The following PREX1 variants were observed in gnomAD, a reference collection of about 807,000 sequenced individuals.
The protein encoded by PREX1 is phosphatidylinositol 3,4,5-trisphosphate-dependent Rac exchanger 1 protein.
Under a neutral mutation model 198.3 loss-of-function variants are expected in PREX1, and 41 were observed. That is an observed-to-expected ratio of 0.21 (90% CI 0.16 to 0.27). PREX1 has a LOEUF of 0.27. PREX1 is among the 10% of genes least tolerant of loss of function. The pLI, the probability that PREX1 is intolerant of heterozygous loss-of-function variation, is 1.00. For missense variants in PREX1, 1,620 were observed against 2,200.7 expected, an observed-to-expected ratio of 0.74 and a Z score of 5.28; for synonymous variants, 843 against 887.2, an observed-to-expected ratio of 0.95 and a Z score of 0.89.
At chr20:48,716,345 C>T (rs1378537124) in intron 5 of PREX1, among the ~76,000 whole-genome samples, 1 of 152,186 alleles carries the variant, frequency 6.6e-6, no homozygotes, top group Non-Finnish European at 1.5e-5. Flanking sequence ...CAAAGGTGCC[C>T]GCTCTGAGCA....
chr20:48,810,003 C>G (rs1329513062), intron 1 of PREX1, among the ~76,000 whole-genome samples: 1 of 152,208 alleles, frequency 6.6e-6, no homozygotes, highest in Non-Finnish European at 1.5e-5. Flanking sequence ...GGACCACTCA[C>G]AAACTGGAAA....
rs2089303555 is a variant in PREX1 at position 48,630,307 on chromosome 20, G to A, written c.4593+421C>T. Among the ~76,000 whole-genome samples, 4 of 152,242 alleles carry A rather than the reference G, an allele frequency of 2.6e-5. No homozygotes were observed. In the South Asian group the frequency reaches 8.3e-4, roughly 31 times the overall value. ...GAGCAACGGGGACATGTGGCAACAT[G>A]GTCCCCAACAGCCAGATCTTCCCAT... On this transcript the variant is annotated intron_variant, in intron 36 of 39. Coordinates refer to ENST00000371941, the MANE Select transcript of PREX1 (RefSeq NM_020820.4).
chr20:48,873,591 G>A, the PREX1 span, among the ~76,000 whole-genome samples: 3 of 150,486 alleles, frequency 2.0e-5, no homozygotes, highest in Non-Finnish European at 4.4e-5. Flanking sequence ...ATGGTGGCGG[G>A]CGCCTATAAT....
At chr20:48,763,499 T>C (rs1321066809) in intron 1 of PREX1, among the ~76,000 whole-genome samples, 1 of 152,178 alleles carries the variant, frequency 6.6e-6, no homozygotes, top group Admixed American at 6.5e-5. Context: ...TGCGGTCTCC[T>C]CTCTGTGGGG....
intron 1 of PREX1, among the ~76,000 whole-genome samples, chr20:48,815,996 T>G (rs1284255633): frequency 7.8e-6 from 1 of 128,144 alleles, no homozygotes; most frequent in African/African-American, 3.0e-5. Flanking sequence ...GGCAACAGAG[T>G]GAGACTCTGT....
the PREX1 span, among the ~76,000 whole-genome samples, chr20:48,864,407 G>A: frequency 6.6e-5 from 10 of 152,178 alleles, no homozygotes; most frequent in Non-Finnish European, 1.0e-4. Flanking sequence ...TATTTGTAAC[G>A]AAATCACAGC....
rs1294787161 is a variant in PREX1, at chr20:48,691,133, C to G, written c.1037-37G>C. ...AGGAGGCAAAGGTGCAGCAGAGACT[C>G]AGCCGCGTGACCTTCAACACTCCCC... On this transcript the variant is annotated intron_variant, in intron 8 of 39. Coordinates refer to ENST00000371941, the MANE Select transcript of PREX1 (RefSeq NM_020820.4). This position sits in a 1 kb window ranked among gnomAD's most constrained non-coding sequence, Gnocchi z 5.0. 6.2e-7 allele frequency: 1 copy of G among 1,613,738 alleles called. No individual in the cohort carries two copies. Among genetic ancestry groups the G allele is most frequent in the Admixed American group, 1.7e-5 (1 of 60,020 alleles).
Position 48,691,478 on chromosome 20 carries a change from G to A in PREX1, c.1037-382C>T, listed in dbSNP as rs530859391. The stretch of plus-strand genomic sequence containing the variant: ...GCCAGCCTGACAAGCCAAGTCAAAC[G>A]TGGGACCCTTACCCAGTGCTGGCTG... On this transcript the variant is annotated intron_variant, in intron 8 of 39. Coordinates refer to ENST00000371941, the MANE Select transcript of PREX1 (RefSeq NM_020820.4). The surrounding 1 kb of genome is among the most constrained non-coding windows in gnomAD (Gnocchi z 5.0). 5.3e-5 allele frequency among the ~76,000 whole-genome samples: 8 copies of A among 152,306 alleles called. No homozygotes were observed. In the East Asian group the frequency reaches 5.8e-4, roughly 11 times the overall value.
intron 1 of PREX1, among the ~76,000 whole-genome samples, chr20:48,789,701 A>G (rs2090329016): frequency 2.0e-5 from 3 of 152,220 alleles, no homozygotes; most frequent in African/African-American, 7.2e-5. Flanking sequence ...AAAAGGGAGG[A>G]GGTTCAGATT....
At chr20:48,854,129 G>A in the PREX1 span, among the ~76,000 whole-genome samples, 1 of 152,174 alleles carries the variant, frequency 6.6e-6, no homozygotes, top group African/African-American at 2.4e-5. Flanking sequence ...TGAGTCACAC[G>A]CAGGCCGAGG....
At chr20:48,738,855 A>T (rs2122741916) in intron 3 of PREX1, among the ~76,000 whole-genome samples, 1 of 152,170 alleles carries the variant, frequency 6.6e-6, no homozygotes, top group African/African-American at 2.4e-5. Flanking sequence ...CAAGACTAAG[A>T]CCCAGAAGAG....
At chr20:48,829,523 T>C (rs1303990924), upstream of PREX1, among the ~76,000 whole-genome samples, 1 of 152,204 alleles carries the variant, frequency 6.6e-6, no homozygotes. Context: ...GATCTGGGCC[T>C]TGGGCTGAGT....
chr20:48,793,042 TAA>T (rs912435857), intron 1 of PREX1, among the ~76,000 whole-genome samples: 1 of 152,012 alleles, frequency 6.6e-6, no homozygotes, highest in Non-Finnish European at 1.5e-5. Flanking sequence ...CCATATCTAC[TAA>T]AAATACAAAA....
At chr20:48,634,191 G>C (rs74651180) in intron 33 of PREX1, among the ~76,000 whole-genome samples, 20,580 of 147,240 alleles carry the variant, frequency 0.14, 1,478 homozygotes, top group African/African-American at 0.19. Context: ...TGGATGGATG[G>C]ATGGATGGAT....
At chr20:48,787,021 G>A (rs776688383) in intron 1 of PREX1, among the ~76,000 whole-genome samples, 2 of 149,458 alleles carry the variant, frequency 1.3e-5, no homozygotes, top group Non-Finnish European at 3.0e-5. Flanking sequence ...GCCCCCTTGA[G>A]CATAAGATGC....
intron 30 of PREX1, among the ~76,000 whole-genome samples, chr20:48,638,316 A>T (rs1054184829): frequency 3.3e-5 from 5 of 152,228 alleles, no homozygotes; most frequent in African/African-American, 9.6e-5. Flanking sequence ...ATCCACACAG[A>T]CACACAACAG....
chr20:48,632,304 T>C lies in PREX1; in HGVS notation c.4499A>G (p.Lys1500Arg). Residue 1500 changes from lysine to arginine, a missense_variant, in exon 35 of 40, where the codon AAA becomes AGA. Around this residue, in one of 7 missense-constraint regions of PREX1, gnomAD observed 476 missense variants for 603.4 expected, o/e 0.79. Coordinates refer to ENST00000371941, the MANE Select transcript of PREX1 (RefSeq NM_020820.4). ...GAGTTTGCGGTAATACTGCTGAACT[T>C]TCTCCAGGGACTGCGCGTTGATGTC... ...QQDINAQSLEKVQQYYRKLRA... is the reference protein window; with the variant it reads ...QQDINAQSLERVQQYYRKLRA... 6.2e-7 allele frequency: 1 copy of C among 1,614,106 alleles called. No homozygotes were observed. The highest frequency in any genetic ancestry group is 8.5e-7 in the Non-Finnish European group (1 of 1,180,014).
the PREX1 span, among the ~76,000 whole-genome samples, chr20:48,836,456 G>A: frequency 6.6e-6 from 1 of 152,260 alleles, no homozygotes; most frequent in Non-Finnish European, 1.5e-5. Context: ...GGTGTTCCCT[G>A]ACTCCTTTAA....
chr20:48,865,700 C>G, the PREX1 span, among the ~76,000 whole-genome samples: 2 of 152,140 alleles, frequency 1.3e-5, no homozygotes, highest in South Asian at 4.1e-4. Flanking sequence ...CTCCAGTTTC[C>G]TTAACTGTAA....
Sources: gnomAD v4.1 joint callset for allele counts (sites outside exome capture counted in the v4.1 genomes callset) on GRCh38, gnomAD v4.1.1 for gene constraint, gnomAD v4.1.1 regional missense constraint, Gnocchi (gnomAD v3.1) non-coding constraint, MANE v1.5 for transcripts, NCBI Gene and HGNC (gene_info 2026-07-23, HGNC 2026-07-21) for gene names.